SPAST: variants seen among roughly 807,000 people sequenced by gnomAD.
The protein encoded by SPAST is spastic paraplegia 4 (autosomal dominant; spastin).
In SPAST, 30 loss-of-function variants were observed where a neutral mutation model predicts 76.6. The ratio of observed to expected loss-of-function variants is 0.39; its 90% CI spans 0.29 to 0.53. SPAST has a LOEUF of 0.53. Ranked by LOEUF, SPAST falls within the 20% of genes least tolerant of loss-of-function variation. The pLI is 0.68. For synonymous variants in SPAST, 305 were observed against 281.0 expected (o/e 1.09, Z -0.86); for missense variants, 717 against 770.5 (o/e 0.93, Z 0.82).
intron 1 of SPAST, among the ~76,000 whole-genome samples, chr2:32,066,308 TC>T (rs1676508976): frequency 6.6e-6 from 1 of 152,032 alleles, no homozygotes; most frequent in Non-Finnish European, 1.5e-5. Flanking sequence ...CTTAAGAACA[TC>T]CAGGATCCCT....
chr2:32,091,584 G>A (rs899381076), intron 3 of SPAST, among the ~76,000 whole-genome samples: 2 of 148,110 alleles, frequency 1.4e-5, no homozygotes, highest in Non-Finnish European at 3.0e-5. Context: ...TGTAATCCCA[G>A]CACTTTGGGA....
intron 7 of SPAST, among the ~76,000 whole-genome samples, chr2:32,118,520 T>A (rs1489621971): frequency 6.6e-6 from 1 of 152,222 alleles, no homozygotes; most frequent in South Asian, 2.1e-4. Flanking sequence ...GCTAACATTT[T>A]GCTGGAGTTA....
intron 7 of SPAST, chr2:32,126,619 C>A (rs559617139): frequency 1.0e-5 from 2 of 195,082 alleles, no homozygotes; most frequent in Admixed American, 1.1e-4. Context: ...TAGCTGGGAG[C>A]TCAGGTGATC....
intron 8 of SPAST, 171 bp from the exon 9 acceptor site, chr2:32,128,237 C>T (rs1307829206): frequency 8.8e-6 from 5 of 567,180 alleles, no homozygotes; most frequent in South Asian, 2.0e-5. Context: ...TCAAGTGATG[C>T]GCCTGCCTCG....
chr2:32,153,423 A>G (rs1193567073), intron 16 of SPAST, among the ~76,000 whole-genome samples: 2 of 149,634 alleles, frequency 1.3e-5, no homozygotes, highest in African/African-American at 4.9e-5. Context: ...TCCCAGGTTC[A>G]AGCGATTCTC....
intron 1 of SPAST, among the ~76,000 whole-genome samples, chr2:32,070,636 C>G (rs1230957426): frequency 1.3e-5 from 2 of 152,096 alleles, no homozygotes; most frequent in African/African-American, 2.4e-5. Flanking sequence ...TATATATGTA[C>G]ATACACATTT....
chr2:32,090,165 A>T (rs914762318), intron 3 of SPAST, among the ~76,000 whole-genome samples: 6 of 152,250 alleles, frequency 3.9e-5, no homozygotes, highest in African/African-American at 1.4e-4. Context: ...ACTGCAGCTG[A>T]TGGGCCAACC....
chr2:32,118,834 C>A (rs1362083228), intron 7 of SPAST, among the ~76,000 whole-genome samples: 1 of 152,058 alleles, frequency 6.6e-6, no homozygotes, highest in Non-Finnish European at 1.5e-5. Context: ...GAAGGTAATA[C>A]CAAGGAAATA....
intron 15 of SPAST, among the ~76,000 whole-genome samples, chr2:32,145,955 A>C (rs1334738283): frequency 6.6e-6 from 1 of 152,226 alleles, no homozygotes; most frequent in Non-Finnish European, 1.5e-5. Context: ...TGTCTACTGT[A>C]ATTTGCATTA....
At position 32,089,610 on chromosome 2, in the gene SPAST, CAATT is replaced by C. The variant is rs554544808; in HGVS notation, c.586+9_586+12del. On this transcript the variant is annotated splice_donor_region_variant and intron_variant, in intron 3 of 16. Transcript: ENST00000315285. ...AGGACCGCTTACAACTTCTAGGTAT[CAATT>C]AATGTATAATTTGATGTGGGATGTA... The C allele has an allele frequency of 2.8e-4, 403 of 1,458,928 alleles. No homozygotes were observed. Among genetic ancestry groups the C allele is most frequent in the Non-Finnish European group, 3.5e-4 (363 of 1,038,664 alleles). 90.4% of individuals were successfully genotyped at this position (1,458,928 alleles called of 1,614,324 possible).
In SPAST at chr2:32,063,853, G is replaced by A. The variant is rs950926374; in HGVS notation, c.22G>A (p.Gly8Arg). ...GTGAATGAATTCTCCGGGTGGACGA[G>A]GGAAGAAGAAAGGCTCCGGCGGCGC... MNSPGGR[G>R]KKKGSGGASN... The change falls in exon 1 of 17, where the codon GGG becomes AGG. Residue 8 changes from glycine (G) to arginine (R), a missense_variant. Physicochemically the swap from Gly to Arg is moderately radical, Grantham distance 125 (BLOSUM62 -2). Transcript: ENST00000315285. The A allele has an allele frequency of 6.3e-7, 1 of 1,582,906 alleles. No homozygotes were observed. Among genetic ancestry groups the A allele is most frequent in the Non-Finnish European group, 8.5e-7 (1 of 1,170,782 alleles).
intron 1 of SPAST, among the ~76,000 whole-genome samples, chr2:32,071,343 G>C (rs542318645): frequency 6.6e-6 from 1 of 152,232 alleles, no homozygotes; most frequent in East Asian, 1.9e-4. Context: ...AGGGCTAAAG[G>C]GTCAGGCATT....
At chr2:32,081,781 CA>C (rs34078147) in intron 1 of SPAST, among the ~76,000 whole-genome samples, 7,872 of 44,172 alleles carry the variant, frequency 0.18, 140 homozygotes, top group Middle Eastern at 0.23. Flanking sequence ...GAGACACTGT[CA>C]AAAAAAAAAA....
intron 4 of SPAST, 72 bp from the exon 5 acceptor site, chr2:32,114,566 T>G: frequency 1.7e-6 from 2 of 1,200,146 alleles, no homozygotes; most frequent in South Asian, 2.5e-5. Context: ...ACCTTGGTTT[T>G]ACAAATGTTT....
intron 1 of SPAST, 36 bp from the exon 2 acceptor site, chr2:32,087,456 T>A: frequency 7.7e-7 from 1 of 1,304,984 alleles, no homozygotes; most frequent in Non-Finnish European, 1.1e-6. Flanking sequence ...AGTGTACTCT[T>A]CATACGATCT....
chr2:32,109,073 T>G (rs575837393), intron 4 of SPAST, among the ~76,000 whole-genome samples: 1 of 150,250 alleles, frequency 6.7e-6, no homozygotes, highest in South Asian at 2.1e-4. Flanking sequence ...TTGGTATACT[T>G]TAAATGGATG....
chr2:32,099,814 C>G (rs1175086568), intron 4 of SPAST, among the ~76,000 whole-genome samples: 3 of 152,138 alleles, frequency 2.0e-5, no homozygotes, highest in Admixed American at 6.6e-5. Context: ...TTTTCAGCCT[C>G]TAGTATCCTC....
At chr2:32,135,118 T>TTGTG (rs57308975) in intron 9 of SPAST, among the ~76,000 whole-genome samples, 38,841 of 147,340 alleles carry the variant, frequency 0.26, 5,260 homozygotes, top group East Asian at 0.51. Flanking sequence ...TCTGATAATT[T>TTGTG]TGTGTGTGTG....
Position 32,116,674 on chromosome 2 carries a change from C to A in SPAST, c.1098+462C>A, listed in dbSNP as rs191300546. Reference sequence around the variant, plus strand: ...TAGAGATGGGGTTTTGCTATATTGGCCAGGCTGGTCTTTCATACCTGATGT... The same window carrying A: ...TAGAGATGGGGTTTTGCTATATTGGACAGGCTGGTCTTTCATACCTGATGT... On this transcript the variant is annotated intron_variant, in intron 7 of 16. Transcript: ENST00000315285. Among the ~76,000 whole-genome samples, 378 of 152,272 alleles carry A rather than the reference C, an allele frequency of 2.5e-3. 4 individuals are homozygous for A. Among genetic ancestry groups the A allele is most frequent in the African/African-American group, 8.8e-3 (367 of 41,564 alleles).
Sources: allele counts gnomAD v4.1 joint callset (sites outside exome capture counted in the v4.1 genomes callset), GRCh38; gene constraint gnomAD v4.1.1; transcripts MANE v1.5; gene names NCBI Gene and HGNC (gene_info 2026-07-23, HGNC 2026-07-21).